SHROOM3: variants seen among roughly 807,000 people sequenced by gnomAD.
SHROOM3 encodes shroom family member 3, also known as protein Shroom3.
Under a neutral mutation model 138.6 loss-of-function variants are expected in SHROOM3, and 47 were observed. The observed-to-expected ratio is 0.34, with a 90% CI of 0.27 to 0.43. The LOEUF is 0.43. Among genes scored for constraint, SHROOM3 ranks in the 20% least tolerant of loss-of-function variants. The pLI is 1.00. For synonymous variants in SHROOM3, 1,062 were observed against 1,063.3 expected, an observed-to-expected ratio of 1.00 and a Z score of 0.02; for missense variants, 2,491 against 2,596.5, an observed-to-expected ratio of 0.96 and a Z score of 0.88.
intron 2 of SHROOM3, among the ~76,000 whole-genome samples, chr4:76,678,854 G>T (rs1208533703): frequency 1.3e-5 from 2 of 152,100 alleles, no homozygotes; most frequent in African/African-American, 2.4e-5. Context: ...TAGAGACAGG[G>T]TTTCACCATG....
rs1401742909 is a variant in SHROOM3, at chr4:76,770,824, T to G, written c.5548T>G (p.Ser1850Ala). ...GGACAAGGTGGTCAACCTGCTGCTC[T>G]CCCTCTCGGGGCGTCTAGCCCGTGT... ...DLDKVVNLLL[S>A]LSGRLARVEN... The change falls in exon 10 of 11, where the codon TCC (serine) becomes GCC (alanine). Residue 1850 changes from serine (S) to alanine (A), a missense_variant. Transcript: ENST00000296043. 6.2e-7 allele frequency: 1 copy of G among 1,614,102 alleles called. No homozygotes were observed. The highest frequency in any genetic ancestry group is 8.5e-7 in the Non-Finnish European group (1 of 1,180,002).
chr4:76,734,994 G>C (rs1720993324), intron 4 of SHROOM3, among the ~76,000 whole-genome samples: 1 of 152,138 alleles, frequency 6.6e-6, no homozygotes, highest in South Asian at 2.1e-4. Context: ...TGGGAGCAGT[G>C]AGTACAAAGA....
intron 2 of SHROOM3, among the ~76,000 whole-genome samples, chr4:76,661,234 C>CTTTTTTTTTT (rs912334272): frequency 6.8e-6 from 1 of 146,026 alleles, no homozygotes; most frequent in African/African-American, 2.5e-5. Context: ...AATCCATTTT[C>CTTTTTTTTTT]TTTTTTTTTT....
At chr4:76,489,296 G>C (rs1731801500) in intron 1 of SHROOM3, among the ~76,000 whole-genome samples, 1 of 152,076 alleles carries the variant, frequency 6.6e-6, no homozygotes, top group South Asian at 2.1e-4. Flanking sequence ...TATGGTGGCT[G>C]GTTCATAGAA....
chr4:76,554,391 C>A (rs564377261), intron 1 of SHROOM3, among the ~76,000 whole-genome samples: 66 of 150,122 alleles, frequency 4.4e-4, no homozygotes, highest in African/African-American at 1.5e-3. Context: ...AAGAGGAACA[C>A]AACTTTTTTT....
intron 5 of SHROOM3, chr4:76,742,174 A>C: frequency 3.5e-6 from 2 of 566,278 alleles, no homozygotes; most frequent in Non-Finnish European, 6.3e-6. Context: ...GTCTACCTCC[A>C]TTTTAGGAAG....
intron 2 of SHROOM3, among the ~76,000 whole-genome samples, chr4:76,695,212 G>A (rs1487934815): frequency 6.6e-6 from 1 of 152,114 alleles, no homozygotes; most frequent in Non-Finnish European, 1.5e-5. Context: ...TCTTTTCCCA[G>A]CCCCTCACAA....
chr4:76,696,593 C>T (rs1719741892), intron 2 of SHROOM3, among the ~76,000 whole-genome samples: 1 of 152,170 alleles, frequency 6.6e-6, no homozygotes, highest in Non-Finnish European at 1.5e-5. Context: ...ATAGGCTGGC[C>T]TGGCCTGGCG....
intron 1 of SHROOM3, 96 bp downstream of exon 1, chr4:76,436,316 T>G (rs764681261): frequency 3.6e-6 from 5 of 1,395,856 alleles, no homozygotes; most frequent in African/African-American, 1.4e-5. Flanking sequence ...TGCCTTAATA[T>G]AACTTAATTT....
intron 2 of SHROOM3, among the ~76,000 whole-genome samples, chr4:76,657,634 T>TG (rs887663824): frequency 9.2e-5 from 14 of 152,148 alleles, no homozygotes; most frequent in South Asian, 4.2e-4. Flanking sequence ...TGTTTGGGGG[T>TG]GGGGGGGTCC....
intron 3 of SHROOM3, among the ~76,000 whole-genome samples, chr4:76,730,522 T>C (rs1320526824): frequency 1.3e-5 from 2 of 152,252 alleles, no homozygotes; most frequent in African/African-American, 2.4e-5. Flanking sequence ...GTAGGAAGTC[T>C]AGGCGAAGTT....
chr4:76,552,572 C>A (rs1183688170), intron 1 of SHROOM3, among the ~76,000 whole-genome samples: 1 of 150,412 alleles, frequency 6.6e-6, no homozygotes, highest in Non-Finnish European at 1.5e-5. Context: ...ACATACCAAG[C>A]AATTATATAT....
chr4:76,615,753 G>A (rs1734861500), intron 2 of SHROOM3, among the ~76,000 whole-genome samples: 1 of 152,074 alleles, frequency 6.6e-6, no homozygotes, highest in Admixed American at 6.6e-5. Flanking sequence ...ATAAAATGTG[G>A]GGTGTTTCAC....
intron 2 of SHROOM3, among the ~76,000 whole-genome samples, chr4:76,584,798 G>A (rs1450956258): frequency 2.6e-5 from 4 of 152,180 alleles, no homozygotes; most frequent in Non-Finnish European, 5.9e-5. Flanking sequence ...TGGGGAGGTT[G>A]CATGGTGGGG....
At chr4:76,605,913 TTCTC>T (rs1287814722) in intron 2 of SHROOM3, among the ~76,000 whole-genome samples, 131 of 141,864 alleles carry the variant, frequency 9.2e-4, no homozygotes, top group African/African-American at 2.5e-3. Context: ...AGGCACAATT[TTCTC>T]TCTCTCTCTC....
chr4:76,650,664 C>A (rs1735936155), intron 2 of SHROOM3, among the ~76,000 whole-genome samples: 1 of 152,070 alleles, frequency 6.6e-6, no homozygotes, highest in Non-Finnish European at 1.5e-5. Flanking sequence ...CCTGCCTCAG[C>A]CTCCCAAGTA....
At chr4:76,689,722 G>A in intron 2 of SHROOM3, 1 of 985,598 alleles carries the variant, frequency 1.0e-6, no homozygotes, top group Non-Finnish European at 1.2e-6. Context: ...GAGGGCGGCT[G>A]GGCACGGAGA....
chr4:76,683,914 T>A (rs562216407), intron 2 of SHROOM3, among the ~76,000 whole-genome samples: 14 of 152,332 alleles, frequency 9.2e-5, no homozygotes, highest in African/African-American at 3.4e-4. Flanking sequence ...TCTGCCAGAA[T>A]TCTTCTTCCT....
At chr4:76,572,817 A>G (rs1027194955) in intron 2 of SHROOM3, among the ~76,000 whole-genome samples, 18 of 152,184 alleles carry the variant, frequency 1.2e-4, no homozygotes, top group African/African-American at 4.3e-4. Flanking sequence ...TCAGTGGCTC[A>G]AGCCTGTAAT....
Sources: allele counts gnomAD v4.1 joint callset (sites outside exome capture counted in the v4.1 genomes callset), GRCh38; gene constraint gnomAD v4.1.1; transcripts MANE v1.5; gene names NCBI Gene and HGNC (gene_info 2026-07-23, HGNC 2026-07-21).